SRGAP1: variants seen among roughly 807,000 people sequenced by gnomAD.
SRGAP1 encodes the protein SLIT-ROBO Rho GTPase activating protein 1, also known as SLIT-ROBO Rho GTPase-activating protein 1.
A neutral mutation model predicts 121.9 loss-of-function variants in SRGAP1; 43 were observed. The ratio of observed to expected loss-of-function variants is 0.35; its 90% CI spans 0.28 to 0.46. The LOEUF (loss-of-function observed/expected upper bound fraction) is 0.46, where lower values mean the gene tolerates loss of function less well. SRGAP1 is among the 20% of genes least tolerant of loss of function. SRGAP1 has a pLI of 1.00. For missense variants in SRGAP1, 1,102 were observed against 1,350.9 expected (o/e 0.82, Z 2.89); for synonymous variants, 447 against 485.4 (o/e 0.92, Z 1.04).
chr12:63,969,734 C>T (rs1238821809), intron 1 of SRGAP1, among the ~76,000 whole-genome samples: 1 of 151,608 alleles, frequency 6.6e-6, no homozygotes, highest in Non-Finnish European at 1.5e-5. Flanking sequence ...GCAGAGCTTG[C>T]AGTGAACCGA....
At chr12:64,001,060 A>G (rs1280423130) in intron 3 of SRGAP1, among the ~76,000 whole-genome samples, 4 of 152,210 alleles carry the variant, frequency 2.6e-5, no homozygotes, top group Non-Finnish European at 5.9e-5. Flanking sequence ...AGACACACAT[A>G]CACATACACA....
chr12:63,956,669 C>T (rs2032480858), intron 1 of SRGAP1, among the ~76,000 whole-genome samples: 2 of 150,960 alleles, frequency 1.3e-5, no homozygotes, highest in Admixed American at 6.6e-5. Flanking sequence ...TTTTGAGCAG[C>T]CTCCTGTTAT....
intron 8 of SRGAP1, 129 bp downstream of exon 8, chr12:64,065,348 G>T (rs1007767144): frequency 1.3e-6 from 1 of 791,208 alleles, no homozygotes; most frequent in African/African-American, 1.7e-5. Context: ...CTGCTCTCAG[G>T]GTTCCTGTAG....
intron 6 of SRGAP1, among the ~76,000 whole-genome samples, chr12:64,049,551 A>G (rs2035197684): frequency 6.6e-6 from 1 of 152,184 alleles, no homozygotes; most frequent in Non-Finnish European, 1.5e-5. Flanking sequence ...CCATGATTCA[A>G]TTACCTCCCA....
intron 6 of SRGAP1, among the ~76,000 whole-genome samples, chr12:64,053,225 T>A (rs1181205701): frequency 6.6e-6 from 1 of 152,142 alleles, no homozygotes; most frequent in African/African-American, 2.4e-5. Context: ...TGGTAAATAT[T>A]TTAGGGTTTG....
chr12:64,118,289 A>G (rs2036553413), intron 18 of SRGAP1, among the ~76,000 whole-genome samples: 1 of 152,042 alleles, frequency 6.6e-6, no homozygotes, highest in African/African-American at 2.4e-5. Context: ...TTTGTTTTTG[A>G]GACAGGGTCT....
chr12:64,124,652 A>G (rs1364127683), intron 18 of SRGAP1, among the ~76,000 whole-genome samples: 1 of 152,240 alleles, frequency 6.6e-6, no homozygotes, highest in Non-Finnish European at 1.5e-5. Flanking sequence ...TTGCAGTAAG[A>G]TAAATCACAA....
intron 2 of SRGAP1, among the ~76,000 whole-genome samples, chr12:63,985,745 C>T (rs879717633): frequency 6.6e-6 from 1 of 152,144 alleles, no homozygotes; most frequent in African/African-American, 2.4e-5. Flanking sequence ...GAGCTTCCTC[C>T]CCACCAACCC....
intron 3 of SRGAP1, among the ~76,000 whole-genome samples, chr12:63,995,116 T>C (rs1370806679): frequency 6.6e-6 from 1 of 152,240 alleles, no homozygotes; most frequent in Non-Finnish European, 1.5e-5. Flanking sequence ...TGTTAGGTTA[T>C]CTCTATGGGT....
chr12:64,086,721 T>TG (rs140443351), intron 10 of SRGAP1, among the ~76,000 whole-genome samples: 1 of 72,462 alleles, frequency 1.4e-5, no homozygotes. Context: ...GTTTCTTTTC[T>TG]GAAAAAAAAA....
At chr12:64,113,121 A>G (rs1024843143) in intron 17 of SRGAP1, among the ~76,000 whole-genome samples, 1 of 151,902 alleles carries the variant, frequency 6.6e-6, no homozygotes, top group Non-Finnish European at 1.5e-5. Context: ...AAGAAAAAAA[A>G]AAAAGGCTGG....
chr12:63,990,231 G>A (rs552501193), intron 3 of SRGAP1, among the ~76,000 whole-genome samples, 159 bp downstream of exon 3: 9 of 152,182 alleles, frequency 5.9e-5, no homozygotes, highest in South Asian at 2.1e-4. Flanking sequence ...TTAAAGACAC[G>A]GAATAAAGAG....
At chr12:63,950,908 A>G (rs527456896) in intron 1 of SRGAP1, among the ~76,000 whole-genome samples, 4 of 145,994 alleles carry the variant, frequency 2.7e-5, no homozygotes, top group Non-Finnish European at 6.0e-5. Context: ...CACCCCCATT[A>G]TGCATTAGTT....
chr12:63,862,728 A>G (rs1232066162), intron 1 of SRGAP1, among the ~76,000 whole-genome samples: 2 of 152,194 alleles, frequency 1.3e-5, no homozygotes, highest in Admixed American at 6.5e-5. Flanking sequence ...TTACATATGT[A>G]ATGGCGCTGT....
intron 3 of SRGAP1, among the ~76,000 whole-genome samples, chr12:64,010,275 A>T (rs541245481): frequency 1.3e-5 from 2 of 152,272 alleles, no homozygotes; most frequent in African/African-American, 4.8e-5. Context: ...GTAAAAGGCC[A>T]TAGGCCTTCT....
intron 15 of SRGAP1, among the ~76,000 whole-genome samples, chr12:64,107,451 G>A (rs1341644563): frequency 2.6e-5 from 4 of 152,154 alleles, no homozygotes; most frequent in African/African-American, 7.2e-5. Flanking sequence ...AAATAATCAA[G>A]ACTTCAGTTA....
chr12:64,124,863 T>C (rs1481680492), intron 18 of SRGAP1, among the ~76,000 whole-genome samples: 1 of 152,158 alleles, frequency 6.6e-6, no homozygotes, highest in Admixed American at 6.6e-5. Context: ...TTCTGCCAGT[T>C]TCTGTCAATG....
Position 64,051,494 on chromosome 12 carries a change from AG to A in SRGAP1, c.801+7923del, listed in dbSNP as rs529600104. ...AGTAAAAATTAATAATGTAAACTAAAGGGGAATAACAATTTTTAAAATGTTT... is the reference window on the plus strand; with the variant it reads ...AGTAAAAATTAATAATGTAAACTAAAGGGAATAACAATTTTTAAAATGTTT... On this transcript the variant is annotated intron_variant, in intron 6 of 21. Transcript: ENST00000355086. 2.4e-3 allele frequency among the ~76,000 whole-genome samples: 371 copies of A among 152,322 alleles called. 1 individual carries two copies. The highest frequency in any genetic ancestry group is 8.4e-3 in the African/African-American group (348 of 41,586).
chr12:63,922,124 G>A (rs925609578), intron 1 of SRGAP1, among the ~76,000 whole-genome samples: 7 of 151,856 alleles, frequency 4.6e-5, no homozygotes, highest in East Asian at 1.9e-4. Context: ...GGTTACAGGC[G>A]CCCACCACCA....
Sources: allele counts gnomAD v4.1 joint callset (sites outside exome capture counted in the v4.1 genomes callset), GRCh38; gene constraint gnomAD v4.1.1; transcripts MANE v1.5; gene names NCBI Gene and HGNC (gene_info 2026-07-23, HGNC 2026-07-21).